Variants in SEMA5B observed in about 807,000 individuals in gnomAD.
SEMA5B encodes the protein semaphorin-5B.
In SEMA5B, 66 loss-of-function variants were observed where a neutral mutation model predicts 135.0. That is an observed-to-expected ratio of 0.49 (90% CI 0.40 to 0.60). The LOEUF (loss-of-function observed/expected upper bound fraction) is 0.60. SEMA5B is among the 20% of genes least tolerant of loss of function. The pLI is 0.00. For missense variants in SEMA5B, 1,501 were observed against 1,566.3 expected, an observed-to-expected ratio of 0.96 and a Z score of 0.70; for synonymous variants, 690 against 639.5, an observed-to-expected ratio of 1.08 and a Z score of -1.19.
At chr3:122,970,816 A>C (rs899895011) in intron 1 of SEMA5B, among the ~76,000 whole-genome samples, 1 of 152,216 alleles carries the variant, frequency 6.6e-6, no homozygotes, top group Non-Finnish European at 1.5e-5. Flanking sequence ...ACATCAGCCT[A>C]ACTCCAGTGC....
intron 1 of SEMA5B, among the ~76,000 whole-genome samples, chr3:123,012,682 G>A (rs754417991): frequency 1.1e-4 from 16 of 152,198 alleles, no homozygotes; most frequent in Non-Finnish European, 2.4e-4. Flanking sequence ...GCCAAGAGGA[G>A]CACCTCACCT....
intron 2 of SEMA5B, among the ~76,000 whole-genome samples, chr3:122,953,609 TCTC>T (rs1296269092): frequency 6.6e-6 from 1 of 152,092 alleles, no homozygotes; most frequent in Non-Finnish European, 1.5e-5. Flanking sequence ...AGATCTGGGA[TCTC>T]CTCTACTCAA....
At chr3:122,942,865 C>A (rs914308606) in intron 4 of SEMA5B, among the ~76,000 whole-genome samples, 1 of 152,212 alleles carries the variant, frequency 6.6e-6, no homozygotes, top group Non-Finnish European at 1.5e-5. Context: ...CCTACCAGAG[C>A]CAATGTTCTG....
At chr3:122,924,613 T>C (rs2107646052) in intron 9 of SEMA5B, among the ~76,000 whole-genome samples, 1 of 152,326 alleles carries the variant, frequency 6.6e-6, no homozygotes, top group East Asian at 1.9e-4. Flanking sequence ...CAATGTCCTT[T>C]GGGACATACC....
intron 1 of SEMA5B, among the ~76,000 whole-genome samples, chr3:123,024,129 T>A (rs2107843382): frequency 6.6e-6 from 1 of 152,376 alleles, no homozygotes; most frequent in East Asian, 1.9e-4. Flanking sequence ...AGTGGTGAAC[T>A]GGTTGGCTGG....
intron 1 of SEMA5B, among the ~76,000 whole-genome samples, chr3:122,983,114 C>T (rs1941576700): frequency 6.6e-6 from 1 of 152,174 alleles, no homozygotes; most frequent in Non-Finnish European, 1.5e-5. Flanking sequence ...CTGCAGCACT[C>T]CTCAACCTCC....
At chr3:123,024,429 C>T (rs1262600441) in intron 1 of SEMA5B, among the ~76,000 whole-genome samples, 2 of 152,156 alleles carry the variant, frequency 1.3e-5, no homozygotes, top group Admixed American at 6.5e-5. Flanking sequence ...TTAGATGAAA[C>T]AAAAAGTTAT....
At chr3:122,919,063 T>C (rs1203495591) in intron 12 of SEMA5B, among the ~76,000 whole-genome samples, 1 of 146,914 alleles carries the variant, frequency 6.8e-6, no homozygotes, top group African/African-American at 2.5e-5. Flanking sequence ...ACAGGTTCAT[T>C]CCATGGGCTC....
chr3:122,985,645 C>G (rs1297734258), intron 1 of SEMA5B, among the ~76,000 whole-genome samples: 1 of 152,192 alleles, frequency 6.6e-6, no homozygotes, highest in Non-Finnish European at 1.5e-5. Context: ...GATCTACCCC[C>G]AGAAAGCTCC....
chr3:122,986,975 T>TG (rs1198854017), intron 1 of SEMA5B, among the ~76,000 whole-genome samples: 1 of 149,536 alleles, frequency 6.7e-6, no homozygotes, highest in Non-Finnish European at 1.5e-5. Context: ...AACAGAGAGG[T>TG]GGGGGAAGGG....
intron 1 of SEMA5B, among the ~76,000 whole-genome samples, chr3:122,977,138 A>G (rs941536527): frequency 6.6e-6 from 1 of 152,206 alleles, no homozygotes; most frequent in Non-Finnish European, 1.5e-5. Context: ...TCTTAGGCTC[A>G]GCTCCTGCTA....
rs79887039 is a variant in SEMA5B at position 122,949,146 on chromosome 3, G to A, written c.125-437C>T. Among the ~76,000 whole-genome samples, 7 of 152,202 alleles carry A rather than the reference G, an allele frequency of 4.6e-5. No homozygotes were observed. The East Asian group carries it at 1.2e-3, about 25-fold the overall frequency. Reference sequence around the variant, plus strand: ...GATAACAATCATAAAAATACTAGAAGAAAATTCAGGCAGGATCCTTTATAT... The same window carrying A: ...GATAACAATCATAAAAATACTAGAAAAAAATTCAGGCAGGATCCTTTATAT... On this transcript the variant is annotated intron_variant, in intron 2 of 22. Coordinates refer to ENST00000357599, the MANE Select transcript of SEMA5B (RefSeq NM_001031702.4).
chr3:122,921,267 A>G (rs1349730013), intron 12 of SEMA5B, among the ~76,000 whole-genome samples: 1 of 152,154 alleles, frequency 6.6e-6, no homozygotes, highest in Non-Finnish European at 1.5e-5. Context: ...TCTGGGCTAC[A>G]TTTCCATTTG....
intron 1 of SEMA5B, among the ~76,000 whole-genome samples, chr3:123,025,802 A>G (rs1942784337): frequency 1.3e-5 from 2 of 152,054 alleles, no homozygotes; most frequent in African/African-American, 2.4e-5. Flanking sequence ...AAGTTCCCCC[A>G]TCTCTCCTAT....
At chr3:122,912,697 T>C in intron 18 of SEMA5B, 146 bp downstream of exon 18, 1 of 757,866 alleles carries the variant, frequency 1.3e-6, no homozygotes, top group Non-Finnish European at 2.1e-6. Flanking sequence ...GGGGCAGAAA[T>C]TTGCTCTGGG....
chr3:122,983,145 G>C (rs1365344847), intron 1 of SEMA5B, among the ~76,000 whole-genome samples: 1 of 152,172 alleles, frequency 6.6e-6, no homozygotes, highest in African/African-American at 2.4e-5. Context: ...AAGAGGCAAG[G>C]GGCATGTGGC....
At chr3:122,945,858 G>A (rs1429906700) in intron 3 of SEMA5B, among the ~76,000 whole-genome samples, 1 of 151,568 alleles carries the variant, frequency 6.6e-6, no homozygotes, top group Non-Finnish European at 1.5e-5. Flanking sequence ...GGAGGGTGGT[G>A]GCCTCTTCCA....
chr3:122,986,968 A>G lies in SEMA5B; in HGVS notation c.-38-25667T>C, dbSNP rs1271002876. ...GCCCGGGATTGTGGGGAAGAAGAAC[A>G]GAGAGGTGGGGGAAGGGAAGGGAGG... On this transcript the variant is annotated intron_variant, in intron 1 of 22. Transcript: ENST00000357599. Among the ~76,000 whole-genome samples, 6 of 152,234 alleles carry G rather than the reference A, an allele frequency of 3.9e-5. No homozygotes were observed. In the East Asian group the frequency reaches 1.2e-3, roughly 29 times the overall value.
At chr3:122,985,188 A>G (rs1941661027) in intron 1 of SEMA5B, among the ~76,000 whole-genome samples, 1 of 152,322 alleles carries the variant, frequency 6.6e-6, no homozygotes, top group South Asian at 2.1e-4. Flanking sequence ...AGGAATTAAA[A>G]ATGGATTACT....
Sources: gnomAD v4.1 joint callset for allele counts (sites outside exome capture counted in the v4.1 genomes callset) on GRCh38, gnomAD v4.1.1 for gene constraint, MANE v1.5 for transcripts, NCBI Gene and HGNC (gene_info 2026-07-23, HGNC 2026-07-21) for gene names.